The following MTREX variants were observed in gnomAD, a reference collection of about 807,000 sequenced individuals.
MTREX encodes the protein exosome RNA helicase MTR4.
Under a neutral mutation model 135.4 loss-of-function variants are expected in MTREX, and 76 were observed. That is an observed-to-expected ratio of 0.56 (90% CI 0.47 to 0.68). The LOEUF is 0.68. Among genes scored for constraint, MTREX ranks in the 30% least tolerant of loss-of-function variants. The pLI, the probability that MTREX is intolerant of heterozygous loss-of-function variation, is 0.00. For missense variants in MTREX, 920 were observed against 1,262.1 expected (o/e 0.73, Z 4.11); for synonymous variants, 404 against 401.6 (o/e 1.01, Z -0.07).
intron 8 of MTREX, 102 bp downstream of exon 8, chr5:55,343,557 T>TA (rs138200811): frequency 0.095 from 92,273 of 974,722 alleles, 5,607 homozygotes; most frequent in East Asian, 0.25. Context: ...TCCAGAATAA[T>TA]AAAAAAAACA....
rs549556787 is a variant in MTREX, at chr5:55,425,539, T to C, written c.*767T>C. Reference sequence around the variant, plus strand: ...GTTGCTTTGTTATGCCTTCAGCAAATAGCTTCATTTTGCCAATACTGAATA... The same window carrying C: ...GTTGCTTTGTTATGCCTTCAGCAAACAGCTTCATTTTGCCAATACTGAATA... On this transcript the variant is annotated 3_prime_UTR_variant, in exon 27 of 27. Transcript: ENST00000230640. The C allele has an allele frequency of 7.4e-5, 37 of 501,892 alleles. No individual in the cohort carries two copies. Among genetic ancestry groups the C allele is most frequent in the Non-Finnish European group, 1.1e-4 (33 of 301,000 alleles). The allele number at this position is 501,892 out of a possible 1,614,324, so 31.1% of individuals were successfully genotyped here.
intron 8 of MTREX, among the ~76,000 whole-genome samples, chr5:55,344,205 A>G (rs1579859943): frequency 6.6e-6 from 1 of 152,134 alleles, no homozygotes; most frequent in South Asian, 2.1e-4. Context: ...GTATCACCGT[A>G]TACCTCCTCT....
chr5:55,349,741 C>T, intron 12 of MTREX, 89 bp downstream of exon 12: 2 of 721,686 alleles, frequency 2.8e-6, no homozygotes, highest in South Asian at 1.6e-5. Flanking sequence ...TACTCTATTG[C>T]ACTTTTCACA....
At chr5:55,400,179 G>T in intron 20 of MTREX, 54 bp from the exon 21 acceptor site, 5 of 1,334,362 alleles carry the variant, frequency 3.7e-6, no homozygotes, top group Non-Finnish European at 5.1e-6. Flanking sequence ...GATTTGGTTT[G>T]GTCTTACTAA....
rs533209589 is a variant in MTREX, at chr5:55,383,928, C to G, written c.2053-4046C>G. On this transcript the variant is annotated intron_variant, in intron 18 of 26. Coordinates refer to ENST00000230640, the MANE Select transcript of MTREX (RefSeq NM_015360.5). ...GGGACTACAGGTGTGCACCACCATG[C>G]CTGGCTAACTTTAAACAATTTTTGT... is the stretch of plus-strand genomic sequence containing the variant. 4.6e-5 allele frequency among the ~76,000 whole-genome samples: 7 copies of G among 152,216 alleles called. No individual in the cohort carries two copies. The South Asian group carries it at 1.5e-3, about 32-fold the overall frequency.
At chr5:55,408,890 A>G (rs974375314) in intron 22 of MTREX, among the ~76,000 whole-genome samples, 1 of 152,070 alleles carries the variant, frequency 6.6e-6, no homozygotes, top group African/African-American at 2.4e-5. Context: ...AAATTCTCAG[A>G]CATAATAACT....
intron 18 of MTREX, among the ~76,000 whole-genome samples, chr5:55,380,952 A>G (rs1750387369): frequency 6.6e-6 from 1 of 152,228 alleles, no homozygotes; most frequent in African/African-American, 2.4e-5. Context: ...CTTGGCAATG[A>G]GGCCACTTCG....
intron 18 of MTREX, 28 bp from the exon 19 acceptor site, chr5:55,387,946 A>T: frequency 6.4e-7 from 1 of 1,554,352 alleles, no homozygotes; most frequent in Non-Finnish European, 8.8e-7. Flanking sequence ...CTTAAGAATG[A>T]ATGAACATCT....
chr5:55,336,235 T>G (rs1749550609), intron 5 of MTREX, among the ~76,000 whole-genome samples: 1 of 152,172 alleles, frequency 6.6e-6, no homozygotes, highest in African/African-American at 2.4e-5. Flanking sequence ...CTTATTGCAT[T>G]GTCAATATCT....
chr5:55,365,246 G>A (rs1750083357), intron 15 of MTREX, among the ~76,000 whole-genome samples: 1 of 152,138 alleles, frequency 6.6e-6, no homozygotes, highest in Non-Finnish European at 1.5e-5. Flanking sequence ...TAAAGTAGAT[G>A]AAGTTCTTTA....
chr5:55,314,134 T>A (rs377230937), intron 1 of MTREX, among the ~76,000 whole-genome samples: 1 of 152,202 alleles, frequency 6.6e-6, no homozygotes, highest in Non-Finnish European at 1.5e-5. Context: ...TTGTTTGCCA[T>A]TTTATCTTTG....
At chr5:55,385,200 A>G (rs777914894) in intron 18 of MTREX, among the ~76,000 whole-genome samples, 1 of 152,150 alleles carries the variant, frequency 6.6e-6, no homozygotes, top group Admixed American at 6.5e-5. Flanking sequence ...CTGCTTTAGA[A>G]GCAGGGGCAT....
intron 6 of MTREX, among the ~76,000 whole-genome samples, chr5:55,340,414 A>C (rs556812193): frequency 1.4e-4 from 21 of 152,054 alleles, no homozygotes; most frequent in Admixed American, 3.9e-4. Flanking sequence ...TTTTTTCTTC[A>C]GGTATTTTTA....
intron 21 of MTREX, among the ~76,000 whole-genome samples, chr5:55,402,840 GTATGTGTATGTA>G (rs1390529061): frequency 3.0e-5 from 2 of 65,950 alleles, no homozygotes; most frequent in East Asian, 3.2e-4. Flanking sequence ...GTGTGTGTGT[GTATGTGTATGTA>G]TGTGTGTGTG....
At chr5:55,372,015 A>G (rs73122241) in intron 16 of MTREX, among the ~76,000 whole-genome samples, 599 of 152,186 alleles carry the variant, frequency 3.9e-3, no homozygotes, top group African/African-American at 0.013. Flanking sequence ...TCCCCCATAG[A>G]TATTTCCTTA....
chr5:55,401,800 G>T (rs1259582026), intron 21 of MTREX, among the ~76,000 whole-genome samples: 3 of 152,046 alleles, frequency 2.0e-5, no homozygotes, highest in African/African-American at 7.2e-5. Flanking sequence ...GCTTTTTGAC[G>T]TGAACACAAT....
At chr5:55,374,191 AG>A (rs1750254887) in intron 16 of MTREX, among the ~76,000 whole-genome samples, 1 of 151,754 alleles carries the variant, frequency 6.6e-6, no homozygotes, top group African/African-American at 2.4e-5. Flanking sequence ...CAGGAGGCAG[AG>A]GTTGCAGTGA....
Position 55,425,149 on chromosome 5 carries a change from T to TCTAAA in MTREX, c.*377_*378insCTAAA. Reference sequence around the variant, plus strand: ...AAGAAAGATGCATCCTCTTGCCTTGTGGCAATCATTTTCCTTTAGAAAACA... The same window carrying TCTAAA: ...AAGAAAGATGCATCCTCTTGCCTTGTCTAAAGGCAATCATTTTCCTTTAGAAAACA... On this transcript the variant is annotated 3_prime_UTR_variant, in exon 27 of 27. Coordinates refer to ENST00000230640, the MANE Select transcript of MTREX (RefSeq NM_015360.5). 1 of 1,570,410 alleles carries TCTAAA rather than the reference T, an allele frequency of 6.4e-7. No individual in the cohort carries two copies. The highest frequency in any genetic ancestry group is 8.6e-7 in the Non-Finnish European group (1 of 1,158,982).
Position 55,323,285 on chromosome 5 carries a change from T to C in MTREX, c.272+821T>C, listed in dbSNP as rs1232513079. Among the ~76,000 whole-genome samples the C allele has an allele frequency of 2.0e-5, 3 of 152,224 alleles. No homozygotes were observed. The East Asian group carries it at 5.8e-4, about 29-fold the overall frequency. On this transcript the variant is annotated intron_variant, in intron 2 of 26. Coordinates refer to ENST00000230640, the MANE Select transcript of MTREX (RefSeq NM_015360.5). ...TTTGTCCAAAGTAATATTATTGACTTAAATCTCAGAAGTACGATAAGTAAG... is the reference window on the plus strand; with the variant it reads ...TTTGTCCAAAGTAATATTATTGACTCAAATCTCAGAAGTACGATAAGTAAG...
Sources: allele counts gnomAD v4.1 joint callset (sites outside exome capture counted in the v4.1 genomes callset), GRCh38; gene constraint gnomAD v4.1.1; transcripts MANE v1.5; gene names NCBI Gene and HGNC (gene_info 2026-07-23, HGNC 2026-07-21).